LIPJ: variants seen among roughly 807,000 people sequenced by gnomAD.
LIPJ encodes lipase member J.
A neutral mutation model predicts 39.8 loss-of-function variants in LIPJ; 33 were observed. The observed-to-expected ratio is 0.83, with a 90% CI of 0.63 to 1.11. The LOEUF is 1.11. LIPJ is among the 50% of genes least tolerant of loss of function. The pLI is 0.00. For synonymous variants in LIPJ, 128 were observed against 139.2 expected (o/e 0.92, Z 0.57); for missense variants, 422 against 427.9 (o/e 0.99, Z 0.12).
chr10:88,602,956 G>T (rs919990730), intron 9 of LIPJ, among the ~76,000 whole-genome samples: 2 of 152,052 alleles, frequency 1.3e-5, no homozygotes, highest in African/African-American at 4.8e-5. Flanking sequence ...GCCAGGTGTG[G>T]TGGCACATGC....
At chr10:88,618,813 CTT>C in the LIPJ span, 2 of 175,000 alleles carry the variant, frequency 1.1e-5, no homozygotes, top group African/African-American at 4.7e-5. Context: ...TCCTCCTTGC[CTT>C]TTGAAGCATA....
Position 88,593,953 on chromosome 10 carries a change from G to A in LIPJ, c.138G>A (p.Arg46=), listed in dbSNP as rs370801123. The change falls in exon 5 of 11, where the codon AGG becomes AGA. Residue 46 remains arginine, a synonymous_variant. Transcript: ENST00000371939. ...TCTACATTTTTTTCTCAGCTCAGAG[G>A]GTTGTTGTATACTTGCAACATGGTT... is the stretch of plus-strand genomic sequence containing the variant. The A allele has an allele frequency of 6.2e-6, 10 of 1,610,662 alleles. No individual in the cohort carries two copies. In the East Asian group the frequency reaches 8.9e-5, roughly 14 times the overall value.
intron 10 of LIPJ, 24 bp downstream of exon 10, chr10:88,605,728 C>T: frequency 6.7e-7 from 1 of 1,484,606 alleles, no homozygotes; most frequent in Non-Finnish European, 9.4e-7. Flanking sequence ...TATAAAAACT[C>T]TCTACCTTAC....
At position 88,594,659 on chromosome 10, in the gene LIPJ, T is replaced by C. The variant is rs1164166791; in HGVS notation, c.330-8T>C. On this transcript the variant is annotated splice_polypyrimidine_tract_variant and splice_region_variant and intron_variant, in intron 5 of 10. Coordinates refer to ENST00000371939, the Ensembl canonical transcript of LIPJ. ...AGTGCTATTTTTATTTTCCTCTTTC[T>C]TTTGTAGTTTTGATGAGATGGCAAA... 5.7e-6 allele frequency: 8 copies of C among 1,396,668 alleles called. No individual in the cohort carries two copies. The highest frequency in any genetic ancestry group is 6.8e-6 in the Non-Finnish European group (7 of 1,023,446). The allele number at this position is 1,396,668 out of a possible 1,614,324, so 86.5% of individuals were successfully genotyped here.
Position 88,591,375 on chromosome 10 carries a change from T to G in LIPJ, c.10-3T>G. 2 of 1,586,428 alleles carry G rather than the reference T, an allele frequency of 1.3e-6. No homozygotes were observed. The highest frequency in any genetic ancestry group is 1.7e-6 in the Non-Finnish European group (2 of 1,167,866). On this transcript the variant is annotated splice_polypyrimidine_tract_variant and splice_region_variant and intron_variant, in intron 3 of 10. Transcript: ENST00000371939. ...CTAAAAGATTTGCTTTTTCTTTATCTAGAGCCAGATTATTTCCTACTGGGG... is the reference window on the plus strand; with the variant it reads ...CTAAAAGATTTGCTTTTTCTTTATCGAGAGCCAGATTATTTCCTACTGGGG...
At chr10:88,588,619 G>A (rs1296599610) in intron 2 of LIPJ, among the ~76,000 whole-genome samples, 1 of 151,796 alleles carries the variant, frequency 6.6e-6, no homozygotes, top group Non-Finnish European at 1.5e-5. Flanking sequence ...TCAGTTATGG[G>A]ATATTTGACA....
intron 4 of LIPJ, 68 bp from the exon 5 acceptor site, chr10:88,593,878 T>A: frequency 7.3e-7 from 1 of 1,378,568 alleles, no homozygotes; most frequent in African/African-American, 1.5e-5. Context: ...AAGTTTGAAT[T>A]TCAGATAAAA....
intron 8 of LIPJ, among the ~76,000 whole-genome samples, chr10:88,598,784 G>A (rs1299351191): frequency 6.6e-6 from 1 of 151,658 alleles, no homozygotes; most frequent in Non-Finnish European, 1.5e-5. Flanking sequence ...CATGATGGAA[G>A]GAATATCTGG....
downstream of LIPJ, among the ~76,000 whole-genome samples, chr10:88,607,817 T>C (rs1229572462): frequency 1.3e-5 from 2 of 152,214 alleles, no homozygotes; most frequent in East Asian, 1.9e-4. Flanking sequence ...CTGTTTCCAG[T>C]TTATCACATA....
intron 9 of LIPJ, among the ~76,000 whole-genome samples, chr10:88,603,757 G>A (rs1851571680): frequency 6.6e-6 from 1 of 152,126 alleles, no homozygotes; most frequent in Admixed American, 6.5e-5. Context: ...TTAAAGTATT[G>A]TTAAGATATT....
intron 4 of LIPJ, chr10:88,592,615 A>G (rs565869026): frequency 5.4e-4 from 82 of 152,014 alleles, no homozygotes; most frequent in Middle Eastern, 3.4e-3. Flanking sequence ...CCACCCTGAG[A>G]TTAGAGAGCC....
the LIPJ span, among the ~76,000 whole-genome samples, chr10:88,617,182 C>T: frequency 2.0e-5 from 3 of 152,060 alleles, no homozygotes; most frequent in Admixed American, 6.6e-5. Context: ...ATTCAAAGCC[C>T]GGCTGAGCCA....
chr10:88,613,587 C>G, the LIPJ span, among the ~76,000 whole-genome samples: 3 of 151,412 alleles, frequency 2.0e-5, no homozygotes, highest in African/African-American at 7.3e-5. Flanking sequence ...ACACAATCAA[C>G]TGATGAATCT....
downstream of LIPJ, among the ~76,000 whole-genome samples, chr10:88,608,718 T>G (rs1043543374): frequency 5.3e-5 from 8 of 152,194 alleles, no homozygotes; most frequent in Non-Finnish European, 1.2e-4. Flanking sequence ...TAACACATAC[T>G]TATGGACATC....
the LIPJ span, chr10:88,618,999 C>T: frequency 0.31 from 46,924 of 151,952 alleles, 7,590 homozygotes; most frequent in East Asian, 0.55. Context: ...TTTTTGTTAA[C>T]TATGCGTACA....
rs112247660 is a variant in LIPJ, at chr10:88,602,220, T to G, written c.724-356T>G. On this transcript the variant is annotated intron_variant, in intron 8 of 10. Coordinates refer to ENST00000371939, the Ensembl canonical transcript of LIPJ. ...TTGCTTGTCTTTGGGGGTTCTTTAT[T>G]TCTCTCCTCAATTTATTTTTGTAAT... Among the ~76,000 whole-genome samples, 209 of 152,280 alleles carry G rather than the reference T, an allele frequency of 1.4e-3. 1 individual carries two copies. Among genetic ancestry groups the G allele is most frequent in the African/African-American group, 4.8e-3 (200 of 41,554 alleles).
chr10:88,611,043 G>A (rs1490805498), downstream of LIPJ, among the ~76,000 whole-genome samples: 3 of 152,160 alleles, frequency 2.0e-5, no homozygotes, highest in Non-Finnish European at 4.4e-5. Context: ...CCAGAGCAGT[G>A]CTGGTATCCA....
At chr10:88,591,176 T>C (rs1189062804) in intron 3 of LIPJ, among the ~76,000 whole-genome samples, 1 of 151,776 alleles carries the variant, frequency 6.6e-6, no homozygotes, top group African/African-American at 2.4e-5. Flanking sequence ...ATCCCTAGTA[T>C]ATAAAACTGC....
chr10:88,583,460 C>T (rs1476925919), upstream of LIPJ: 10 of 1,319,590 alleles, frequency 7.6e-6, no homozygotes, highest in Non-Finnish European at 9.7e-6. Context: ...GCGCCCTGCC[C>T]CTCGCCCAGA....
Sources: gnomAD v4.1 joint callset for allele counts (sites outside exome capture counted in the v4.1 genomes callset) on GRCh38, gnomAD v4.1.1 for gene constraint, MANE v1.5 for transcripts, NCBI Gene and HGNC (gene_info 2026-07-23, HGNC 2026-07-21) for gene names.